CIROZ: variants seen among roughly 807,000 people sequenced by gnomAD.
CIROZ encodes ciliated left-right organizer protein containing ZP-N domains, also known as ciliated left-right organizer ZP-N domains-containing protein.
At chr1:10,965,305 G>T in the CIROZ span, among the ~76,000 whole-genome samples, 1 of 152,056 alleles carries the variant, frequency 6.6e-6, no homozygotes, top group Non-Finnish European at 1.5e-5. Context: ...CTCTGGACTG[G>T]GTCAAGGAAG....
At chr1:10,981,788 G>A in the CIROZ span, among the ~76,000 whole-genome samples, 2 of 152,206 alleles carry the variant, frequency 1.3e-5, no homozygotes, top group African/African-American at 4.8e-5. Context: ...AACAAGGGAT[G>A]ACAGGAGCAT....
chr1:10,981,202 A>T, the CIROZ span, among the ~76,000 whole-genome samples: 1 of 152,156 alleles, frequency 6.6e-6, no homozygotes, highest in Non-Finnish European at 1.5e-5. Flanking sequence ...TAATCCCAAT[A>T]CTTTGGGAGG....
At chr1:10,949,530 G>C in the CIROZ span, 1 of 1,383,308 alleles carries the variant, frequency 7.2e-7, no homozygotes, top group Non-Finnish European at 1.0e-6. Context: ...TGGTGAAAGA[G>C]AAGGGCCTCA....
At chr1:10,980,802 C>T in the CIROZ span, among the ~76,000 whole-genome samples, 66 of 152,334 alleles carry the variant, frequency 4.3e-4, no homozygotes, top group African/African-American at 1.5e-3. Flanking sequence ...CAGAACTGCC[C>T]CATCCCAGTC....
the CIROZ span, among the ~76,000 whole-genome samples, chr1:10,963,311 C>A: frequency 1.3e-5 from 2 of 152,030 alleles, no homozygotes; most frequent in African/African-American, 2.4e-5. Flanking sequence ...ATCGCTTGAA[C>A]CCAGGAGGCA....
At chr1:10,973,959 C>A in the CIROZ span, among the ~76,000 whole-genome samples, 7 of 144,516 alleles carry the variant, frequency 4.8e-5, no homozygotes, top group Non-Finnish European at 9.3e-5. Context: ...AGGAAGGACC[C>A]CCCCCACCAA....
At chr1:10,976,106 G>T in the CIROZ span, 1 of 1,476,288 alleles carries the variant, frequency 6.8e-7, no homozygotes, top group Non-Finnish European at 9.2e-7. Context: ...TCTGCTCATT[G>T]GGGAAATATC....
chr1:10,960,657 C>T, the CIROZ span, among the ~76,000 whole-genome samples: 2 of 152,234 alleles, frequency 1.3e-5, no homozygotes, highest in Non-Finnish European at 2.9e-5. This position sits in a 1 kb window ranked among gnomAD's most constrained non-coding sequence, Gnocchi z 4.6. Flanking sequence ...CACACTTAAG[C>T]GAGCTCGCAG....
the CIROZ span, among the ~76,000 whole-genome samples, chr1:10,980,336 G>A: frequency 2.0e-5 from 3 of 152,238 alleles, no homozygotes; most frequent in Non-Finnish European, 4.4e-5. Flanking sequence ...CCGCTGCCCC[G>A]CTTCATTCGC....
the CIROZ span, among the ~76,000 whole-genome samples, chr1:10,961,741 C>T: frequency 3.3e-5 from 5 of 151,964 alleles, no homozygotes; most frequent in African/African-American, 4.8e-5. Context: ...GTCAGGAGTT[C>T]GAGACTAGCC....
the CIROZ span, among the ~76,000 whole-genome samples, chr1:10,978,259 G>A: frequency 6.6e-6 from 1 of 151,386 alleles, no homozygotes; most frequent in Non-Finnish European, 1.5e-5. Context: ...ATGTTGCCCA[G>A]GCTGGTCTCA....
chr1:10,955,079 G>A, the CIROZ span: 24 of 1,613,916 alleles, frequency 1.5e-5, no homozygotes, highest in South Asian at 2.2e-5. Context: ...TGGTGGACTC[G>A]GAGGAATCTG....
At chr1:10,966,426 G>A in the CIROZ span, 2 of 1,536,950 alleles carry the variant, frequency 1.3e-6, no homozygotes, top group Non-Finnish European at 8.7e-7. Context: ...GCCAGATGCA[G>A]GAAGTAGCCA....
the CIROZ span, among the ~76,000 whole-genome samples, chr1:10,980,682 G>T: frequency 1.3e-5 from 2 of 152,190 alleles, no homozygotes; most frequent in Non-Finnish European, 2.9e-5. Context: ...GGTGGCAGGT[G>T]GGGGGTAGAC....
chr1:10,964,189 C>T, the CIROZ span: 1 of 1,614,220 alleles, frequency 6.2e-7, no homozygotes, highest in Non-Finnish European at 8.5e-7. Context: ...TAGCATCGGA[C>T]ACTTCATTAT....
the CIROZ span, chr1:10,947,539 G>A: frequency 1.3e-5 from 11 of 816,694 alleles, no homozygotes; most frequent in African/African-American, 1.7e-5. Flanking sequence ...GAAGAGCACC[G>A]GGGCTTCCCT....
At chr1:10,949,623 C>T in the CIROZ span, 1 of 1,600,262 alleles carries the variant, frequency 6.2e-7, no homozygotes, top group Middle Eastern at 1.9e-4. Flanking sequence ...CATAGACGTG[C>T]TTTGGCCAGT....
At chr1:10,949,450 TG>T in the CIROZ span, 1 of 791,626 alleles carries the variant, frequency 1.3e-6, no homozygotes, top group Non-Finnish European at 2.0e-6. Context: ...CAGCTTTCTA[TG>T]GGAAATATTC....
At chr1:10,972,902 C>A in the CIROZ span, among the ~76,000 whole-genome samples, 7 of 146,492 alleles carry the variant, frequency 4.8e-5, no homozygotes, top group African/African-American at 1.8e-4. Flanking sequence ...GCCTGGGCAA[C>A]ATAGCGAGAT....
Sources: allele counts gnomAD v4.1 joint callset (sites outside exome capture counted in the v4.1 genomes callset), GRCh38; gene constraint gnomAD v4.1.1; non-coding constraint Gnocchi (gnomAD v3.1); transcripts MANE v1.5; gene names NCBI Gene and HGNC (gene_info 2026-07-23, HGNC 2026-07-21).